The following AKAP13 variants were observed in gnomAD, a reference collection of about 807,000 sequenced individuals.
AKAP13 encodes the protein A-kinase anchoring protein 13.
Under a neutral mutation model 264.5 loss-of-function variants are expected in AKAP13, and 80 were observed. The ratio of observed to expected loss-of-function variants is 0.30; its 90% confidence interval spans 0.25 to 0.36. AKAP13 has a LOEUF of 0.36. Among genes scored for constraint, AKAP13 ranks in the 10% least tolerant of loss-of-function variants. AKAP13 has a pLI of 1.00. For synonymous variants in AKAP13, 1,380 were observed against 1,250.2 expected (o/e 1.10, Z -2.19); for missense variants, 3,712 against 3,435.2 (o/e 1.08, Z -2.01).
chr15:85,659,527 T>C (rs2083244337), intron 12 of AKAP13, among the ~76,000 whole-genome samples: 1 of 152,220 alleles, frequency 6.6e-6, no homozygotes, highest in Non-Finnish European at 1.5e-5. Flanking sequence ...ATGATTCCTA[T>C]GAAATTGTTC....
chr15:85,657,247 G>A (rs1286108901), intron 11 of AKAP13, among the ~76,000 whole-genome samples: 2 of 152,116 alleles, frequency 1.3e-5, no homozygotes, highest in Non-Finnish European at 2.9e-5. Context: ...TATTATGGCT[G>A]TGTAATCACA....
chr15:85,659,377 AGCTGAACCT>A (rs1025957625), intron 12 of AKAP13, among the ~76,000 whole-genome samples: 1 of 152,228 alleles, frequency 6.6e-6, no homozygotes, highest in African/African-American at 2.4e-5. Flanking sequence ...TTTAACTATT[AGCTGAACCT>A]GTTTGTTGGC....
chr15:85,441,051 T>C (rs1033923997), intron 1 of AKAP13, among the ~76,000 whole-genome samples: 4 of 152,184 alleles, frequency 2.6e-5, no homozygotes, highest in Non-Finnish European at 5.9e-5. Flanking sequence ...TTGAGGTCTT[T>C]TTTGTAATTA....
intron 8 of AKAP13, among the ~76,000 whole-genome samples, chr15:85,607,722 C>G (rs893286468): frequency 6.6e-6 from 1 of 152,166 alleles, no homozygotes; most frequent in African/African-American, 2.4e-5. Flanking sequence ...TGTGATAACC[C>G]TTCCAAAGCA....
intron 17 of AKAP13, among the ~76,000 whole-genome samples, chr15:85,699,377 G>A (rs2085767729): frequency 6.6e-6 from 1 of 151,998 alleles, no homozygotes; most frequent in Non-Finnish European, 1.5e-5. Context: ...CCAGGAGGCA[G>A]AGGTTGCAGT....
At chr15:85,439,267 G>A (rs1248352322) in intron 1 of AKAP13, among the ~76,000 whole-genome samples, 1 of 145,806 alleles carries the variant, frequency 6.9e-6, no homozygotes, top group Non-Finnish European at 1.5e-5. Flanking sequence ...AAACCACAAT[G>A]AGATACCATC....
chr15:85,430,668 C>G (rs554732159), intron 1 of AKAP13, among the ~76,000 whole-genome samples: 68 of 152,284 alleles, frequency 4.5e-4, no homozygotes, highest in Non-Finnish European at 8.8e-4. Context: ...ACATGTCAGA[C>G]AGTTACTCTT....
In AKAP13 at chr15:85,580,585, A is replaced by T; in HGVS notation, c.2517A>T (p.Pro839=). 1 of 1,614,244 alleles carries T rather than the reference A, an allele frequency of 6.2e-7. No individual in the cohort carries two copies. Among genetic ancestry groups the T allele is most frequent in the South Asian group, 1.1e-5 (1 of 91,090 alleles). The change falls in exon 7 of 37, where the codon CCA becomes CCT. Residue 839 remains proline (P), a synonymous_variant. Transcript: ENST00000394518. The stretch of plus-strand genomic sequence containing the variant: ...ATTCGAATGAGCCTGATACGCGGCC[A>T]CTAGAAGACAGGGCAGTAGGCCTGT... ...DGNSNEPDTR[P]LEDRAVGLST...
chr15:85,584,180 G>A (rs1358467882), intron 7 of AKAP13, among the ~76,000 whole-genome samples: 1 of 152,188 alleles, frequency 6.6e-6, no homozygotes, highest in African/African-American at 2.4e-5. Flanking sequence ...AGAAGACATA[G>A]GTTTAACTGC....
At chr15:85,417,053 T>C in intron 1 of AKAP13, among the ~76,000 whole-genome samples, 1 of 152,254 alleles carries the variant, frequency 6.6e-6, no homozygotes, top group East Asian at 1.9e-4. Context: ...AAAAGAAAAT[T>C]AATGCTTAAC....
chr15:85,642,549 C>A (rs929192372), intron 9 of AKAP13, among the ~76,000 whole-genome samples: 1 of 152,364 alleles, frequency 6.6e-6, no homozygotes, highest in South Asian at 2.1e-4. Flanking sequence ...CACCTCCCCC[C>A]GCCCCATGGC....
In AKAP13 at chr15:85,429,242, A is replaced by G. The variant is rs76186512; in HGVS notation, c.-12+48444A>G. 6.4e-3 allele frequency among the ~76,000 whole-genome samples: 975 copies of G among 152,248 alleles called. 11 individuals carry two copies. The highest frequency in any genetic ancestry group is 0.022 in the African/African-American group (924 of 41,544). On this transcript the variant is annotated intron_variant, in intron 1 of 36. Transcript: ENST00000394518. The stretch of plus-strand genomic sequence containing the variant: ...GGCATATTTTCTTGAGTTCTTAATT[A>G]TCTTGAGTTCCTAATTTGGAATCAT...
chr15:85,522,940 C>T lies in AKAP13; in HGVS notation c.181+1365C>T, dbSNP rs1362087100. Among the ~76,000 whole-genome samples, 100 of 140,904 alleles carry T rather than the reference C, an allele frequency of 7.1e-4. 1 individual carries two copies. The highest frequency in any genetic ancestry group is 1.3e-3 in the Non-Finnish European group (82 of 64,572). 92.4% of individuals were successfully genotyped at this position (140,904 alleles called of 152,430 possible). A position where few individuals can be genotyped will look rare whatever the true frequency, so the allele number is the denominator to read the frequency against. Reference sequence around the variant, plus strand: ...CACCCCCACCCACACCCCCTCCCCCCGTCGCCCCCATCCCATTGGCCTGAA... The same window carrying T: ...CACCCCCACCCACACCCCCTCCCCCTGTCGCCCCCATCCCATTGGCCTGAA... On this transcript the variant is annotated intron_variant, in intron 3 of 36. Transcript: ENST00000394518.
chr15:85,743,577 T>C lies in AKAP13; in HGVS notation c.8144T>C (p.Ile2715Thr), dbSNP rs1270964087. ...CCCCCCTCGCCATCTGCACCTTCCA[T>C]AGCCAAATCAGGGTCATTGGACTCA... ...EEPPSPSAPS[I>T]AKSGSLDSEL... The change falls in exon 36 of 37, where the codon ATA (isoleucine) becomes ACA (threonine). Residue 2715 changes from isoleucine to threonine, a missense_variant. By Grantham distance (89) the Ile-to-Thr change is moderately conservative. This residue lies in a region of AKAP13 where 611 missense variants were observed against 539.3 expected (regional missense o/e 1.13). Transcript: ENST00000394518. 3 of 1,614,118 alleles carry C rather than the reference T, an allele frequency of 1.9e-6. No homozygotes were observed. Among genetic ancestry groups the C allele is most frequent in the Admixed American group, 1.7e-5 (1 of 60,008 alleles).
At chr15:85,687,986 G>A (rs907307722) in intron 16 of AKAP13, among the ~76,000 whole-genome samples, 1 of 148,142 alleles carries the variant, frequency 6.8e-6, no homozygotes, top group Non-Finnish European at 1.5e-5. Context: ...GCTGCAGTAC[G>A]CTGTGTGCAC....
At position 85,735,588 on chromosome 15, in the gene AKAP13, C is replaced by G; in HGVS notation, c.7470C>G (p.Gly2490=). The change falls in exon 32 of 37, where the codon GGC becomes GGG. Residue 2490 remains glycine (G), a synonymous_variant. Transcript: ENST00000394518. The part of the protein sequence containing the change: ...KGGEKEEGDD[G]QDLRRTESDS... Reference sequence around the variant, plus strand: ...GCGAGAAGGAAGAGGGAGATGATGGCCAAGATCTTAGGAGAACGGAATCAG... The same window carrying G: ...GCGAGAAGGAAGAGGGAGATGATGGGCAAGATCTTAGGAGAACGGAATCAG... The G allele has an allele frequency of 6.2e-7, 1 of 1,612,786 alleles. No homozygotes were observed.
intron 5 of AKAP13, among the ~76,000 whole-genome samples, chr15:85,561,597 G>T (rs969331566): frequency 6.6e-6 from 1 of 152,156 alleles, no homozygotes; most frequent in East Asian, 1.9e-4. Context: ...TACTAATCTT[G>T]TGAATGTTGG....
At chr15:85,671,566 G>A (rs1190713996) in intron 14 of AKAP13, among the ~76,000 whole-genome samples, 1 of 151,028 alleles carries the variant, frequency 6.6e-6, no homozygotes, top group Non-Finnish European at 1.5e-5. Context: ...GGTGTCTAAC[G>A]GAGACTTATT....
chr15:85,581,428 C>G lies in AKAP13; in HGVS notation c.3360C>G (p.Val1120=), dbSNP rs372950044. ...CCCAAGACATCCTGATTCCAAACGT[C>G]TTGTTGAGCCAAGAGAAGAATGCCG... ...HNTQDILIPN[V]LLSQEKNAVL... is the part of the protein sequence containing the mutation. Residue 1120 remains valine, a synonymous_variant, in exon 7 of 37, where the codon GTC becomes GTG. Transcript: ENST00000394518. 3 of 1,614,074 alleles carry G rather than the reference C, an allele frequency of 1.9e-6. No homozygotes were observed. Among genetic ancestry groups the G allele is most frequent in the Non-Finnish European group, 2.5e-6 (3 of 1,180,042 alleles).
Sources: gnomAD v4.1 joint callset for allele counts (sites outside exome capture counted in the v4.1 genomes callset) on GRCh38, gnomAD v4.1.1 for gene constraint, gnomAD v4.1.1 regional missense constraint, MANE v1.5 for transcripts, NCBI Gene and HGNC (gene_info 2026-07-23, HGNC 2026-07-21) for gene names.